Variants in ZBTB46 observed in about 807,000 individuals in gnomAD.
ZBTB46 encodes the protein zinc finger and BTB domain containing 46, also known as zinc finger and BTB domain-containing protein 46.
In ZBTB46, 8 loss-of-function variants were observed where a neutral mutation model predicts 44.1. The observed-to-expected ratio is 0.18, with a 90% CI of 0.11 to 0.33. The LOEUF (loss-of-function observed/expected upper bound fraction) is 0.33, where lower values mean the gene tolerates loss of function less well. Ranked by LOEUF, ZBTB46 falls within the 10% of genes least tolerant of loss-of-function variation. The probability of loss-of-function intolerance (pLI) is 1.00; values close to 1 mark genes in which losing one functional copy is unlikely to be tolerated. For synonymous variants in ZBTB46, 409 were observed against 382.3 expected, an observed-to-expected ratio of 1.07 and a Z score of -0.81; for missense variants, 651 against 847.7, an observed-to-expected ratio of 0.77 and a Z score of 2.88.
chr20:63,777,805 T>C (rs2092437890), intron 2 of ZBTB46, among the ~76,000 whole-genome samples: 2 of 152,152 alleles, frequency 1.3e-5, no homozygotes, highest in Non-Finnish European at 2.9e-5. Context: ...GAATATTATG[T>C]GGCCATGAAA....
At chr20:63,809,181 G>A (rs1425173190) in intron 1 of ZBTB46, among the ~76,000 whole-genome samples, 6 of 151,832 alleles carry the variant, frequency 4.0e-5, no homozygotes, top group African/African-American at 1.4e-4. Context: ...GCCGAAGTGG[G>A]CACTAAAGGT....
intron 4 of ZBTB46, among the ~76,000 whole-genome samples, chr20:63,750,432 T>C (rs2092149712): frequency 6.6e-6 from 1 of 150,728 alleles, no homozygotes; most frequent in Non-Finnish European, 1.5e-5. Context: ...AGAGACAGAG[T>C]CTCGCAATTT....
At chr20:63,751,913 A>T (rs1183433800) in intron 4 of ZBTB46, among the ~76,000 whole-genome samples, 1 of 151,234 alleles carries the variant, frequency 6.6e-6, no homozygotes, top group Non-Finnish European at 1.5e-5. Flanking sequence ...GAACCTGCTG[A>T]CTCTCCTGCG....
At chr20:63,806,962 T>G (rs1249425146) in intron 1 of ZBTB46, among the ~76,000 whole-genome samples, 1 of 152,180 alleles carries the variant, frequency 6.6e-6, no homozygotes, top group Non-Finnish European at 1.5e-5. Context: ...TTTTGTATTT[T>G]TAGTAGAGAC....
intron 1 of ZBTB46, among the ~76,000 whole-genome samples, chr20:63,808,984 A>G (rs1343053657): frequency 1.4e-5 from 2 of 147,170 alleles, no homozygotes; most frequent in African/African-American, 5.1e-5. Flanking sequence ...TTCAAAAAAA[A>G]AAAAAAAAAA....
intron 2 of ZBTB46, among the ~76,000 whole-genome samples, chr20:63,777,716 A>C (rs967700677): frequency 2.0e-5 from 3 of 152,230 alleles, no homozygotes; most frequent in African/African-American, 7.2e-5. Context: ...CACGTTATCC[A>C]TAACAGCCAA....
At chr20:63,784,066 C>T (rs1351379325) in intron 2 of ZBTB46, among the ~76,000 whole-genome samples, 1 of 152,170 alleles carries the variant, frequency 6.6e-6, no homozygotes, top group African/African-American at 2.4e-5. Context: ...CGGCTGAGAC[C>T]GTGGTGGGGG....
chr20:63,828,859 C>G (rs150056833), intron 1 of ZBTB46, among the ~76,000 whole-genome samples: 185 of 152,364 alleles, frequency 1.2e-3, no homozygotes, highest in Non-Finnish European at 2.0e-3. Flanking sequence ...GTCTCCAGGG[C>G]TCTGAGAGGC....
chr20:63,783,078 C>T (rs571523590), intron 2 of ZBTB46, among the ~76,000 whole-genome samples: 8 of 151,946 alleles, frequency 5.3e-5, no homozygotes, highest in Non-Finnish European at 1.0e-4. Context: ...TGCCGTGAGC[C>T]GAGATTGTAC....
intron 2 of ZBTB46, among the ~76,000 whole-genome samples, chr20:63,782,695 C>A (rs183563735): frequency 1.3e-5 from 2 of 152,312 alleles, no homozygotes; most frequent in Non-Finnish European, 2.9e-5. Context: ...ACGACCCACG[C>A]CCCACACCCA....
At position 63,745,469 on chromosome 20, in the gene ZBTB46, T is replaced by G. The variant is rs2092079468; in HGVS notation, c.*1461A>C. ...GGGAAGCTGGTGCTCTACCTGACAA[T>G]GTGGGGAAAAGCCTGGTATACAGGC... On this transcript the variant is annotated 3_prime_UTR_variant, in exon 5 of 5. Transcript: ENST00000245663. The G allele has an allele frequency of 6.6e-6, 1 of 152,170 alleles. No individual in the cohort carries two copies. The highest frequency in any genetic ancestry group is 1.5e-5 in the Non-Finnish European group (1 of 68,048). The allele number at this position is 152,170 out of a possible 1,614,324, so 9.4% of individuals were successfully genotyped here.
At chr20:63,765,164 T>C (rs775265189) in intron 3 of ZBTB46, among the ~76,000 whole-genome samples, 24 of 151,680 alleles carry the variant, frequency 1.6e-4, no homozygotes, top group Non-Finnish European at 3.5e-4. Flanking sequence ...TGGGGGGCAG[T>C]TGTATGCAGA....
At chr20:63,782,746 C>T (rs1406132929) in intron 2 of ZBTB46, among the ~76,000 whole-genome samples, 1 of 152,118 alleles carries the variant, frequency 6.6e-6, no homozygotes, top group Non-Finnish European at 1.5e-5. Context: ...GGCCGTGAGT[C>T]CCTCCCACAC....
Position 63,803,103 on chromosome 20 carries a change from G to A in ZBTB46, c.-33-12313C>T, listed in dbSNP as rs894163612. On this transcript the variant is annotated intron_variant, in intron 1 of 4. Transcript: ENST00000245663. The surrounding 1 kb of genome is among the most constrained non-coding windows in gnomAD (Gnocchi z 4.0). ...CTCTTGCGAAGAAACCCACCAACCC[G>A]GCTCCCCCAGGGCACCTCACCAGCA... Among the ~76,000 whole-genome samples the A allele has an allele frequency of 1.3e-5, 2 of 151,994 alleles. No individual in the cohort carries two copies. The highest frequency in any genetic ancestry group is 2.4e-5 in the African/African-American group (1 of 41,378).
intron 1 of ZBTB46, among the ~76,000 whole-genome samples, chr20:63,801,947 G>A (rs2092649128): frequency 6.6e-6 from 1 of 152,158 alleles, no homozygotes; most frequent in Non-Finnish European, 1.5e-5. Flanking sequence ...TAAAGGATTA[G>A]TTTTTGTAAA....
intron 3 of ZBTB46, among the ~76,000 whole-genome samples, chr20:63,758,764 T>C (rs2092247813): frequency 1.3e-5 from 2 of 149,926 alleles, no homozygotes; most frequent in African/African-American, 4.9e-5. Flanking sequence ...GACAGAGTCT[T>C]GCTGTCGCCC....
chr20:63,790,290 A>G lies in ZBTB46; in HGVS notation c.468T>C (p.Ala156=). 1 of 1,612,942 alleles carries G rather than the reference A, an allele frequency of 6.2e-7. No individual in the cohort carries two copies. The highest frequency in any genetic ancestry group is 8.5e-7 in the Non-Finnish European group (1 of 1,179,904). Residue 156 remains alanine (A), a synonymous_variant, in exon 2 of 5, where the codon GCT becomes GCC. Coordinates refer to ENST00000245663, the MANE Select transcript of ZBTB46 (RefSeq NM_001369741.1). ...TCCCAGCCATCACGGCCGAGATGAG[A>G]GCTTCCGTGCTGCTGCTGGACGAGG... ...IGASSSSSTE[A]LISAVMAGRS...
intron 1 of ZBTB46, among the ~76,000 whole-genome samples, chr20:63,791,585 C>T (rs2092561589): frequency 6.6e-6 from 1 of 151,672 alleles, no homozygotes; most frequent in Admixed American, 6.6e-5. Context: ...TGAAAATTTC[C>T]AAAACTCTGA....
intron 2 of ZBTB46, among the ~76,000 whole-genome samples, chr20:63,781,761 C>T (rs1297702505): frequency 6.7e-6 from 1 of 149,460 alleles, no homozygotes; most frequent in Non-Finnish European, 1.5e-5. Flanking sequence ...CATTGCACTC[C>T]AGCCTGGACA....
Sources: allele counts gnomAD v4.1 joint callset (sites outside exome capture counted in the v4.1 genomes callset), GRCh38; gene constraint gnomAD v4.1.1; non-coding constraint Gnocchi (gnomAD v3.1); transcripts MANE v1.5; gene names NCBI Gene and HGNC (gene_info 2026-07-23, HGNC 2026-07-21).